The following FAM135B variants were observed in gnomAD, a reference collection of about 807,000 sequenced individuals.
The protein encoded by FAM135B is protein FAM135B.
In FAM135B, 43 loss-of-function variants were observed where a neutral mutation model predicts 127.7. That is an observed-to-expected ratio of 0.34 (90% confidence interval 0.26 to 0.43). The LOEUF (loss-of-function observed/expected upper bound fraction) is 0.43. Among genes scored for constraint, FAM135B ranks in the 20% least tolerant of loss-of-function variants. The pLI, the probability that FAM135B is intolerant of heterozygous loss-of-function variation, is 1.00. For missense variants in FAM135B, 1,558 were observed against 1,725.6 expected (o/e 0.90, Z 1.72); for synonymous variants, 670 against 665.1 (o/e 1.01, Z -0.11).
At chr8:138,381,910 A>G (rs1464673679) in intron 1 of FAM135B, among the ~76,000 whole-genome samples, 1 of 152,112 alleles carries the variant, frequency 6.6e-6, no homozygotes, top group East Asian at 1.9e-4. Flanking sequence ...TCAACTGCAG[A>G]TGAGTCCTCT....
chr8:138,206,892 T>C (rs1817727747), intron 7 of FAM135B, among the ~76,000 whole-genome samples: 2 of 151,722 alleles, frequency 1.3e-5, no homozygotes, highest in Non-Finnish European at 2.9e-5. Context: ...TATCATCCCC[T>C]CCACCTACAC....
intron 12 of FAM135B, among the ~76,000 whole-genome samples, chr8:138,165,476 T>C: frequency 6.6e-6 from 1 of 152,094 alleles, no homozygotes; most frequent in East Asian, 1.9e-4. Context: ...ACCTGTGAGT[T>C]GAGGGACTGA....
intron 4 of FAM135B, among the ~76,000 whole-genome samples, 183 bp from the exon 5 acceptor site, chr8:138,256,942 TATTACACAAAAAGAAAA>T (rs1248675120): frequency 6.6e-6 from 1 of 152,096 alleles, no homozygotes; most frequent in Non-Finnish European, 1.5e-5. Flanking sequence ...TATCTGAGAG[TATTACACAAAAAGAAAA>T]ATAGAAGGGA....
At chr8:138,418,703 C>T (rs905730464) in intron 1 of FAM135B, among the ~76,000 whole-genome samples, 1 of 152,028 alleles carries the variant, frequency 6.6e-6, no homozygotes, top group Non-Finnish European at 1.5e-5. Flanking sequence ...AGCTAAGCTT[C>T]GTAAATGAAG....
intron 13 of FAM135B, 34 bp downstream of exon 13, chr8:138,151,160 G>A (rs1180332805): frequency 1.3e-5 from 19 of 1,463,622 alleles, no homozygotes; most frequent in Non-Finnish European, 1.7e-5. Context: ...CTAAAAGACT[G>A]TTGTGGGAAA....
Position 138,307,602 on chromosome 8 carries a change from T to A in FAM135B, c.157+3239A>T, listed in dbSNP as rs187496769. Among the ~76,000 whole-genome samples, 481 of 152,244 alleles carry A rather than the reference T, an allele frequency of 3.2e-3. 2 individuals are homozygous for A. The highest frequency in any genetic ancestry group is 4.6e-3 in the Non-Finnish European group (311 of 68,014). ...AATGGTAAGACTTTTTATTAACTGA[T>A]AATATTAATAATAACAGCTGCATTT... On this transcript the variant is annotated intron_variant, in intron 3 of 19. Coordinates refer to ENST00000395297, the MANE Select transcript of FAM135B (RefSeq NM_015912.4).
At position 138,296,758 on chromosome 8, in the gene FAM135B, T is replaced by A. The variant is rs574731066; in HGVS notation, c.157+14083A>T. On this transcript the variant is annotated intron_variant, in intron 3 of 19. Coordinates refer to ENST00000395297, the MANE Select transcript of FAM135B (RefSeq NM_015912.4). ...TCATCCCATCCCTTTTCAAAATCTT[T>A]GGCTCTGCTATTCATTTTTACCCCC... Among the ~76,000 whole-genome samples the A allele has an allele frequency of 3.9e-5, 6 of 152,356 alleles. No homozygotes were observed. In the South Asian group the frequency reaches 1.2e-3, roughly 32 times the overall value.
At chr8:138,278,230 G>A (rs1193633260) in intron 3 of FAM135B, among the ~76,000 whole-genome samples, 1 of 37,614 alleles carries the variant, frequency 2.7e-5, no homozygotes, top group Non-Finnish European at 4.8e-5. Flanking sequence ...TGACACGAGA[G>A]CTAACTGGCT....
At chr8:138,340,884 C>A (rs1246065894) in intron 2 of FAM135B, among the ~76,000 whole-genome samples, 1 of 152,168 alleles carries the variant, frequency 6.6e-6, no homozygotes, top group Non-Finnish European at 1.5e-5. Flanking sequence ...ACTCTCAGCC[C>A]CCGCATGCTC....
upstream of FAM135B, among the ~76,000 whole-genome samples, chr8:138,497,337 C>G (rs1815437953): frequency 6.7e-6 from 1 of 150,278 alleles, no homozygotes; most frequent in African/African-American, 2.4e-5. Context: ...CCGGGGCGGG[C>G]CGCCCGGCGG....
At chr8:138,424,334 C>T (rs1291751972) in intron 1 of FAM135B, among the ~76,000 whole-genome samples, 3 of 152,160 alleles carry the variant, frequency 2.0e-5, no homozygotes, top group Admixed American at 2.0e-4. Context: ...TAATAAATGT[C>T]CATGACATCT....
intron 2 of FAM135B, among the ~76,000 whole-genome samples, chr8:138,317,956 C>T (rs1394046960): frequency 2.0e-5 from 3 of 152,316 alleles, no homozygotes; most frequent in South Asian, 2.1e-4. Flanking sequence ...ACATTGACTG[C>T]GTGTTGCTAG....
rs191699016 is a variant in FAM135B, at chr8:138,168,729, C to T, written c.1104-680G>A. 2.0e-5 allele frequency among the ~76,000 whole-genome samples: 3 copies of T among 152,234 alleles called. No individual in the cohort carries two copies. In the East Asian group the frequency reaches 5.8e-4, roughly 29 times the overall value. ...CTGGGGTGGTAGAAAGTGTGTATTC[C>T]CTTCTCATCAAGTTTCTACAGTAGG... On this transcript the variant is annotated intron_variant, in intron 11 of 19. Transcript: ENST00000395297.
intron 7 of FAM135B, among the ~76,000 whole-genome samples, chr8:138,220,774 G>A (rs1044639975): frequency 1.3e-5 from 2 of 152,124 alleles, no homozygotes; most frequent in African/African-American, 4.8e-5. Flanking sequence ...TCATCTCATG[G>A]TTTATAAGAA....
chr8:138,315,195 T>C (rs1012096307), intron 2 of FAM135B, among the ~76,000 whole-genome samples: 1 of 152,076 alleles, frequency 6.6e-6, no homozygotes, highest in African/African-American at 2.4e-5. Flanking sequence ...ACATTCAAAT[T>C]ACCAACACGT....
chr8:138,131,122 G>C lies in FAM135B; in HGVS notation c.*1471C>G, dbSNP rs1312717960. 1 of 152,176 alleles carries C rather than the reference G, an allele frequency of 6.6e-6. No homozygotes were observed. The highest frequency in any genetic ancestry group is 2.4e-5 in the African/African-American group (1 of 41,434). The allele number at this position is 152,176 out of a possible 1,614,324, so 9.4% of individuals were successfully genotyped here. A position where few individuals can be genotyped will look rare whatever the true frequency, so the allele number is the denominator to read the frequency against. On this transcript the variant is annotated 3_prime_UTR_variant, in exon 20 of 20. Transcript: ENST00000395297. The stretch of plus-strand genomic sequence containing the variant: ...GATCTAAAATTCTCAAATGAGCTTA[G>C]ATTTACTTGGTTTTGTTACCATGGC...
chr8:138,320,122 A>ATTCT (rs1410030501), intron 2 of FAM135B, among the ~76,000 whole-genome samples: 1 of 152,220 alleles, frequency 6.6e-6, no homozygotes, highest in Non-Finnish European at 1.5e-5. Context: ...ACATTTCAGA[A>ATTCT]TTCTAACCTG....
intron 2 of FAM135B, among the ~76,000 whole-genome samples, chr8:138,345,542 T>C (rs538192540): frequency 7.0e-6 from 1 of 143,590 alleles, no homozygotes; most frequent in East Asian, 2.3e-4. Context: ...TGGAAACCCT[T>C]GTTTTGCCAG....
At chr8:138,205,304 A>G (rs1817470600) in intron 7 of FAM135B, among the ~76,000 whole-genome samples, 1 of 152,218 alleles carries the variant, frequency 6.6e-6, no homozygotes, top group Non-Finnish European at 1.5e-5. Flanking sequence ...TGGCAGATCA[A>G]GAATCCAGAC....
Sources: gnomAD v4.1 joint callset for allele counts (sites outside exome capture counted in the v4.1 genomes callset) on GRCh38, gnomAD v4.1.1 for gene constraint, MANE v1.5 for transcripts, NCBI Gene and HGNC (gene_info 2026-07-23, HGNC 2026-07-21) for gene names.